Variants in GALNT5 observed in about 807,000 individuals in gnomAD.
GALNT5 encodes polypeptide N-acetylgalactosaminyltransferase 5, also known as UDP-GalNAc:polypeptide N-acetylgalactosaminyltransferase 5.
Under a neutral mutation model 85.4 loss-of-function variants are expected in GALNT5, and 72 were observed. The ratio of observed to expected loss-of-function variants is 0.84; its 90% CI spans 0.70 to 1.03. The LOEUF (loss-of-function observed/expected upper bound fraction) is 1.03, where lower values mean the gene tolerates loss of function less well. Among genes scored for constraint, GALNT5 ranks in the 50% least tolerant of loss-of-function variants. The pLI is 0.00. For synonymous variants in GALNT5, 404 were observed against 397.0 expected (o/e 1.02, Z -0.21); for missense variants, 1,137 against 1,135.5 (o/e 1.00, Z -0.02).
chr2:157,292,871 T>G (rs4664866), intron 3 of GALNT5, among the ~76,000 whole-genome samples: 139,390 of 152,030 alleles, frequency 0.92, 64,034 homozygotes, highest in Middle Eastern at 0.97. Flanking sequence ...GCCCGATTGA[T>G]TTTTGTATTT....
rs993051839 is a variant in GALNT5 at position 157,267,413 on chromosome 2, A to G, written c.1454+7877A>G. Among the ~76,000 whole-genome samples the G allele has an allele frequency of 2.6e-5, 4 of 152,368 alleles. No homozygotes were observed. In the East Asian group the frequency reaches 7.7e-4, roughly 29 times the overall value. On this transcript the variant is annotated intron_variant, in intron 1 of 9. Transcript: ENST00000259056. ...TCAGGGGACTTATGACCCAAAGGAA[A>G]GCACTTACAGGTAAATGCTAAAGTT... is the stretch of plus-strand genomic sequence containing the variant.
intron 4 of GALNT5, 79 bp from the exon 5 acceptor site, chr2:157,296,315 A>C: frequency 8.9e-7 from 1 of 1,122,254 alleles, no homozygotes; most frequent in Non-Finnish European, 1.3e-6. Context: ...ATTTGATTAC[A>C]TCGTGAAGCC....
rs554447274 is a variant in GALNT5, at chr2:157,308,654, C to T, written c.2608C>T (p.Leu870=). The T allele has an allele frequency of 9.3e-6, 15 of 1,613,706 alleles. 1 individual carries two copies. The South Asian group carries it at 1.6e-4, about 18-fold the overall frequency. ...APIPDKGAVR[L]HPCDNRNKGL... is the part of the protein sequence containing the mutation. ...CATCCCTGATAAAGGAGCCGTAAGG[C>T]TGCACCCTTGTGATAACAGAAACAA... The change falls in exon 9 of 10, where the codon CTG becomes TTG. Residue 870 remains leucine (L), a synonymous_variant. Transcript: ENST00000259056.
intron 2 of GALNT5, among the ~76,000 whole-genome samples, chr2:157,284,937 T>G (rs569491978): frequency 1.1e-4 from 17 of 152,186 alleles, no homozygotes; most frequent in Middle Eastern, 3.2e-3. Context: ...ACAAGAGAGA[T>G]GAGGTGATTC....
intron 8 of GALNT5, among the ~76,000 whole-genome samples, chr2:157,306,126 C>G (rs578207917): frequency 6.6e-6 from 1 of 152,142 alleles, no homozygotes; most frequent in East Asian, 1.9e-4. Context: ...ATCATGCCTA[C>G]TTTTAGAACT....
chr2:157,298,951 C>T (rs1247576625), intron 5 of GALNT5: 1 of 152,064 alleles, frequency 6.6e-6, no homozygotes, highest in East Asian at 1.9e-4. Context: ...ACCGGAAGAC[C>T]GGAAGACCGG....
chr2:157,292,097 T>C (rs1406007723), intron 3 of GALNT5, among the ~76,000 whole-genome samples: 8 of 152,206 alleles, frequency 5.3e-5, no homozygotes, highest in Non-Finnish European at 1.2e-4. Flanking sequence ...AGAATTTAGA[T>C]ATCAGGTAGC....
At chr2:157,279,245 T>G (rs1025113234) in intron 1 of GALNT5, among the ~76,000 whole-genome samples, 9 of 152,202 alleles carry the variant, frequency 5.9e-5, no homozygotes, top group Non-Finnish European at 1.0e-4. Context: ...CAGCCCCTAC[T>G]GGGAGGTGTC....
intron 6 of GALNT5, 93 bp from the exon 7 acceptor site, chr2:157,300,583 A>G (rs1683319298): frequency 1.1e-6 from 1 of 934,840 alleles, no homozygotes; most frequent in Non-Finnish European, 1.7e-6. Context: ...TACTTCAGGT[A>G]GGGGGAAACA....
chr2:157,269,692 AT>A (rs1339230969), intron 1 of GALNT5, among the ~76,000 whole-genome samples: 2 of 152,056 alleles, frequency 1.3e-5, no homozygotes, highest in Non-Finnish European at 2.9e-5. Context: ...ATTTCTGAGA[AT>A]TTTTCTTACC....
chr2:157,286,456 A>G (rs1682973158), intron 3 of GALNT5, among the ~76,000 whole-genome samples: 1 of 152,040 alleles, frequency 6.6e-6, no homozygotes, highest in Non-Finnish European at 1.5e-5. Flanking sequence ...TATAATACCT[A>G]CTATATGCTC....
intron 1 of GALNT5, among the ~76,000 whole-genome samples, chr2:157,269,285 C>T (rs1453663486): frequency 6.6e-6 from 1 of 152,156 alleles, no homozygotes; most frequent in African/African-American, 2.4e-5. Context: ...TTTAGTAATG[C>T]AGGAGAACAG....
intron 3 of GALNT5, among the ~76,000 whole-genome samples, chr2:157,289,043 C>G (rs1683036285): frequency 6.6e-6 from 1 of 152,062 alleles, no homozygotes; most frequent in Non-Finnish European, 1.5e-5. Flanking sequence ...TTGATTTTGT[C>G]CATATAAATT....
chr2:157,290,087 G>GTATATATA (rs55861093), intron 3 of GALNT5, among the ~76,000 whole-genome samples: 5 of 131,660 alleles, frequency 3.8e-5, no homozygotes, highest in East Asian at 2.2e-4. Flanking sequence ...AAAAAAAAAT[G>GTATATATA]TATATATATA....
chr2:157,281,730 A>C (rs918452823), intron 1 of GALNT5, among the ~76,000 whole-genome samples: 7 of 152,232 alleles, frequency 4.6e-5, no homozygotes, highest in African/African-American at 1.7e-4. Flanking sequence ...GCTTAGAAGG[A>C]AATATAGAGC....
intron 1 of GALNT5, among the ~76,000 whole-genome samples, chr2:157,264,044 T>C (rs935045824): frequency 1.3e-5 from 2 of 152,178 alleles, no homozygotes; most frequent in African/African-American, 4.8e-5. Flanking sequence ...CCTATAAAAT[T>C]TGCTTGAAAT....
intron 3 of GALNT5, among the ~76,000 whole-genome samples, chr2:157,294,175 T>G (rs992113043): frequency 1.3e-5 from 2 of 152,096 alleles, no homozygotes; most frequent in Non-Finnish European, 2.9e-5. Flanking sequence ...TAAACCAAAA[T>G]GAAAGCAGTA....
At position 157,311,978 on chromosome 2, in the gene GALNT5, A is replaced by C. The variant is rs1460366775; in HGVS notation, c.*630A>C. The C allele has an allele frequency of 6.6e-6, 1 of 152,178 alleles. No homozygotes were observed. Among genetic ancestry groups the C allele is most frequent in the Non-Finnish European group, 1.5e-5 (1 of 68,024 alleles). The allele number at this position is 152,178 out of a possible 1,614,324, so 9.4% of individuals were successfully genotyped here. A position where few individuals can be genotyped will look rare whatever the true frequency, so the allele number is the denominator to read the frequency against. ...TCCCAATCTGAATCAGTGGAAAAAAATTTAAGTGAGGAAGAAGAGGCCTTC... is the reference window on the plus strand; with the variant it reads ...TCCCAATCTGAATCAGTGGAAAAAACTTTAAGTGAGGAAGAAGAGGCCTTC... On this transcript the variant is annotated 3_prime_UTR_variant, in exon 10 of 10. Coordinates refer to ENST00000259056, the MANE Select transcript of GALNT5 (RefSeq NM_014568.3).
At chr2:157,306,593 G>A (rs188590011) in intron 8 of GALNT5, among the ~76,000 whole-genome samples, 17 of 152,288 alleles carry the variant, frequency 1.1e-4, no homozygotes, top group African/African-American at 3.8e-4. Flanking sequence ...GTGGCAAATA[G>A]GACTCAGAGG....
Sources: gnomAD v4.1 joint callset for allele counts (sites outside exome capture counted in the v4.1 genomes callset) on GRCh38, gnomAD v4.1.1 for gene constraint, MANE v1.5 for transcripts, NCBI Gene and HGNC (gene_info 2026-07-23, HGNC 2026-07-21) for gene names.